Variants in PPP1R37 observed in about 807,000 individuals in gnomAD.
PPP1R37 encodes the protein protein phosphatase 1 regulatory subunit 37, also known as leucine rich repeat containing 68.
In PPP1R37, 21 loss-of-function variants were observed where a neutral mutation model predicts 61.0. That is an observed-to-expected ratio of 0.34 (90% CI 0.24 to 0.50). The LOEUF (loss-of-function observed/expected upper bound fraction) is 0.50. PPP1R37 is among the 20% of genes least tolerant of loss of function. The probability of loss-of-function intolerance (pLI) is 0.98; values close to 1 mark genes in which losing one functional copy is unlikely to be tolerated. For missense variants in PPP1R37, 910 were observed against 952.7 expected (o/e 0.96, Z 0.59); for synonymous variants, 443 against 433.5 (o/e 1.02, Z -0.27).
At chr19:45,095,417 A>G (rs899283103) in intron 1 of PPP1R37, among the ~76,000 whole-genome samples, 6 of 151,990 alleles carry the variant, frequency 3.9e-5, no homozygotes, top group African/African-American at 1.2e-4. Context: ...GATTACCGGC[A>G]TGAGCCACCG....
At chr19:45,144,556 C>G in intron 8 of PPP1R37, 3 of 417,968 alleles carry the variant, frequency 7.2e-6, no homozygotes, top group Non-Finnish European at 1.3e-5. Context: ...TTGGGGGCTT[C>G]AGGGCGCTCA....
chr19:45,139,969 G>C (rs1052475418), intron 2 of PPP1R37, among the ~76,000 whole-genome samples: 3 of 152,246 alleles, frequency 2.0e-5, no homozygotes, highest in African/African-American at 4.8e-5. Flanking sequence ...TCCCTCACTC[G>C]GTCCCGCTGG....
At chr19:45,103,415 C>T (rs1323092916) in intron 1 of PPP1R37, among the ~76,000 whole-genome samples, 3 of 152,190 alleles carry the variant, frequency 2.0e-5, no homozygotes, top group African/African-American at 4.8e-5. Context: ...GTTAGGTGGG[C>T]GGGCTCCTCT....
intron 1 of PPP1R37, among the ~76,000 whole-genome samples, chr19:45,107,414 C>T (rs1402005096): frequency 2.0e-5 from 3 of 151,920 alleles, no homozygotes; most frequent in Non-Finnish European, 4.4e-5. Context: ...CCAGCCTGGA[C>T]GACATGGTGA....
chr19:45,124,815 A>G (rs932984097), intron 1 of PPP1R37, among the ~76,000 whole-genome samples: 1 of 151,306 alleles, frequency 6.6e-6, no homozygotes, highest in Non-Finnish European at 1.5e-5. Flanking sequence ...AAGAAAAAAA[A>G]AAAAAACTGG....
chr19:45,123,047 G>A (rs1302140356), intron 1 of PPP1R37, among the ~76,000 whole-genome samples: 2 of 152,148 alleles, frequency 1.3e-5, no homozygotes, highest in Non-Finnish European at 2.9e-5. Flanking sequence ...TTTTCCAGAT[G>A]CCTCCCGCTG....
intron 1 of PPP1R37, among the ~76,000 whole-genome samples, chr19:45,137,201 T>C (rs979729089): frequency 6.6e-6 from 1 of 152,240 alleles, no homozygotes; most frequent in African/African-American, 2.4e-5. Context: ...CCTGCTCCGC[T>C]GGTCACCCTG....
intron 1 of PPP1R37, among the ~76,000 whole-genome samples, chr19:45,127,316 C>T (rs1007812770): frequency 1.4e-5 from 2 of 140,586 alleles, no homozygotes; most frequent in Non-Finnish European, 3.0e-5. Flanking sequence ...CATGCTATTA[C>T]ACTCCAGCCT....
chr19:45,144,880 G>A lies in PPP1R37; in HGVS notation c.1014G>A (p.Leu338=), dbSNP rs1968664563. 6.5e-7 allele frequency: 1 copy of A among 1,535,102 alleles called. No individual in the cohort carries two copies. Among genetic ancestry groups the A allele is most frequent in the African/African-American group, 1.4e-5 (1 of 73,000 alleles). Residue 338 remains leucine (L), a synonymous_variant, in exon 9 of 13, where the codon CTG becomes CTA. Coordinates refer to ENST00000221462, the MANE Select transcript of PPP1R37 (RefSeq NM_019121.2). ...CGCACACTCAGAGCCTGGAGACGCT[G>A]AACCTGGGCCACAACCCCATCGGGA... ...TLPHTQSLET[L]NLGHNPIGNE...
chr19:45,123,808 T>C (rs1968369741), intron 1 of PPP1R37, among the ~76,000 whole-genome samples: 1 of 152,178 alleles, frequency 6.6e-6, no homozygotes, highest in African/African-American at 2.4e-5. Flanking sequence ...TCTTGCAGCT[T>C]TGAGGCCCTG....
chr19:45,133,637 C>T (rs1373379858), intron 1 of PPP1R37, among the ~76,000 whole-genome samples: 2 of 152,204 alleles, frequency 1.3e-5, no homozygotes, highest in African/African-American at 2.4e-5. Flanking sequence ...TTTGGCCTTG[C>T]CTGTGGAATA....
intron 8 of PPP1R37, 166 bp downstream of exon 8, chr19:45,143,799 C>T: frequency 1.9e-6 from 1 of 527,012 alleles, no homozygotes; most frequent in Non-Finnish European, 3.4e-6. Flanking sequence ...GCTTCTGTGC[C>T]TGTTTTCCCT....
intron 8 of PPP1R37, 147 bp from the exon 9 acceptor site, chr19:45,144,707 G>A (rs2122758937): frequency 1.5e-6 from 1 of 670,704 alleles, no homozygotes; most frequent in Non-Finnish European, 2.4e-6. Flanking sequence ...CTGCGGCAGG[G>A]CAGGACGGCG....
intron 1 of PPP1R37, among the ~76,000 whole-genome samples, chr19:45,135,818 T>C (rs1360314119): frequency 6.7e-6 from 1 of 149,852 alleles, no homozygotes; most frequent in Non-Finnish European, 1.5e-5. Context: ...GTTTGGCTCT[T>C]GTCACCCAGG....
In PPP1R37 at chr19:45,145,865, C is replaced by T. The variant is rs1013065578; in HGVS notation, c.1809C>T (p.Ser603=). The change falls in exon 11 of 13, where the codon TCC becomes TCT. Residue 603 remains serine (S), a synonymous_variant. Coordinates refer to ENST00000221462, the MANE Select transcript of PPP1R37 (RefSeq NM_019121.2). ...PPPPSPPASP[S]LPPAGAIDTR... Reference sequence around the variant, plus strand: ...CTCCCTCCCCACCCGCCTCACCTTCCCTACCACCAGCCGGGGCCATTGACA... The same window carrying T: ...CTCCCTCCCCACCCGCCTCACCTTCTCTACCACCAGCCGGGGCCATTGACA... 2 of 1,526,334 alleles carry T rather than the reference C, an allele frequency of 1.3e-6. No homozygotes were observed. The highest frequency in any genetic ancestry group is 8.8e-7 in the Non-Finnish European group (1 of 1,141,742). The allele number at this position is 1,526,334 out of a possible 1,614,324, so 94.5% of individuals were successfully genotyped here. A position where few individuals can be genotyped will look rare whatever the true frequency, so the allele number is the denominator to read the frequency against.
chr19:45,115,585 T>C (rs1460299278), intron 1 of PPP1R37, among the ~76,000 whole-genome samples: 3 of 151,526 alleles, frequency 2.0e-5, no homozygotes, highest in Non-Finnish European at 2.9e-5. Flanking sequence ...CCATTTGAAA[T>C]GGGGATAATA....
intron 1 of PPP1R37, among the ~76,000 whole-genome samples, chr19:45,137,966 C>A (rs1015265701): frequency 6.6e-6 from 1 of 152,032 alleles, no homozygotes; most frequent in Non-Finnish European, 1.5e-5. Context: ...TAGTGACACC[C>A]CATCTCCACC....
intron 1 of PPP1R37, among the ~76,000 whole-genome samples, chr19:45,129,725 C>G (rs1363752280): frequency 6.6e-6 from 1 of 152,178 alleles, no homozygotes; most frequent in Non-Finnish European, 1.5e-5. Flanking sequence ...AAGCACGACC[C>G]CCACAGACTA....
chr19:45,098,633 C>T (rs1016786048), intron 1 of PPP1R37, among the ~76,000 whole-genome samples: 3 of 151,874 alleles, frequency 2.0e-5, no homozygotes, highest in Non-Finnish European at 2.9e-5. Context: ...TGGAAGGCAG[C>T]GGGAGGGGTG....
Sources: allele counts gnomAD v4.1 joint callset (sites outside exome capture counted in the v4.1 genomes callset), GRCh38; gene constraint gnomAD v4.1.1; transcripts MANE v1.5; gene names NCBI Gene and HGNC (gene_info 2026-07-23, HGNC 2026-07-21).